Variants in AKT3 observed in about 807,000 individuals in gnomAD.
The protein encoded by AKT3 is AKT serine/threonine kinase 3.
A neutral mutation model predicts 65.3 loss-of-function variants in AKT3; 15 were observed. The observed-to-expected ratio is 0.23, with a 90% CI of 0.15 to 0.35. The LOEUF (loss-of-function observed/expected upper bound fraction) is 0.35, where lower values mean the gene tolerates loss of function less well. Ranked by LOEUF, AKT3 falls within the 10% of genes least tolerant of loss-of-function variation. AKT3 has a pLI of 1.00. For missense variants in AKT3, 243 were observed against 576.5 expected, an observed-to-expected ratio of 0.42 and a Z score of 5.92; for synonymous variants, 206 against 183.8, an observed-to-expected ratio of 1.12 and a Z score of -0.98.
At chr1:243,695,533 A>C (rs996196245) in intron 3 of AKT3, 58 bp downstream of exon 3, 18 of 1,468,668 alleles carry the variant, frequency 1.2e-5, no homozygotes, top group Admixed American at 2.0e-5. Flanking sequence ...GATATCTGAC[A>C]CATAAAATCA....
rs544119372 is a variant in AKT3 at position 243,699,052 on chromosome 1, C to T, written c.47-3336G>A. On this transcript the variant is annotated intron_variant, in intron 2 of 13. Coordinates refer to ENST00000673466, the MANE Select transcript of AKT3 (RefSeq NM_005465.7). Reference sequence around the variant, plus strand: ...AGGCAGTGTGAGTTCAGATAAGGCACGTGTTGTCAGGTTGTTCTAAAATAT... The same window carrying T: ...AGGCAGTGTGAGTTCAGATAAGGCATGTGTTGTCAGGTTGTTCTAAAATAT... Among the ~76,000 whole-genome samples, 4 of 152,174 alleles carry T rather than the reference C, an allele frequency of 2.6e-5. No homozygotes were observed. The South Asian group carries it at 8.3e-4, about 32-fold the overall frequency.
chr1:243,646,012 C>T lies in AKT3; in HGVS notation c.310G>A (p.Ala104Thr). 6.2e-7 allele frequency: 1 copy of T among 1,610,784 alleles called. No individual in the cohort carries two copies. The highest frequency in any genetic ancestry group is 2.2e-5 in the East Asian group (1 of 44,814). The change falls in exon 5 of 14, where the codon GCT (alanine) becomes ACT (threonine). Residue 104 changes from alanine to threonine, a missense_variant. Physicochemically the swap from Ala to Thr is moderately conservative, Grantham distance 58. Transcript: ENST00000673466. ...TGCCTCTGCAGTCTGTCTGCTACAG[C>T]CTGGATAGCTTCTGTCCATTCTTCC... ...EREEWTEAIQ[A>T]VADRLQRQEE...
chr1:243,586,815 C>G (rs780609646), intron 8 of AKT3, among the ~76,000 whole-genome samples: 6 of 151,814 alleles, frequency 4.0e-5, no homozygotes, highest in Non-Finnish European at 7.4e-5. Flanking sequence ...TGCCAAACCT[C>G]AGCATCATGG....
chr1:243,508,178 G>C (rs1188870319), intron 13 of AKT3, among the ~76,000 whole-genome samples: 2 of 152,162 alleles, frequency 1.3e-5, no homozygotes, highest in African/African-American at 4.8e-5. Flanking sequence ...CACCGTTCAA[G>C]GTTTCAGTGA....
intron 8 of AKT3, among the ~76,000 whole-genome samples, chr1:243,588,762 G>GT (rs1480245209): frequency 1.3e-5 from 2 of 151,936 alleles, no homozygotes; most frequent in South Asian, 2.1e-4. Context: ...AAACTTAAAC[G>GT]TAAGACCTGA....
intron 8 of AKT3, among the ~76,000 whole-genome samples, chr1:243,575,683 T>G (rs1674889195): frequency 6.6e-6 from 1 of 152,136 alleles, no homozygotes; most frequent in Non-Finnish European, 1.5e-5. Flanking sequence ...GTAAGGAGAC[T>G]TGATAGATAA....
At chr1:243,671,147 C>T (rs949265999) in intron 3 of AKT3, among the ~76,000 whole-genome samples, 2 of 149,180 alleles carry the variant, frequency 1.3e-5, no homozygotes, top group Non-Finnish European at 1.5e-5. Context: ...GGCGCAATCT[C>T]GGCTCATGCA....
intron 2 of AKT3, among the ~76,000 whole-genome samples, chr1:243,840,581 T>A (rs1248607899): frequency 6.6e-6 from 1 of 152,208 alleles, no homozygotes; most frequent in Non-Finnish European, 1.5e-5. Context: ...ATTTATATAA[T>A]GTAATATTTT....
chr1:243,568,230 CA>C (rs1308876517), intron 9 of AKT3, among the ~76,000 whole-genome samples: 2 of 152,130 alleles, frequency 1.3e-5, no homozygotes, highest in African/African-American at 4.8e-5. Context: ...ACTTTACATG[CA>C]TCTGTTTAAT....
Position 243,499,801 on chromosome 1 carries a change from G to A in AKT3, c.*5448C>T. 1 of 1,611,084 alleles carries A rather than the reference G, an allele frequency of 6.2e-7. No individual in the cohort carries two copies. The highest frequency in any genetic ancestry group is 8.5e-7 in the Non-Finnish European group (1 of 1,177,732). On this transcript the variant is annotated 3_prime_UTR_variant, in exon 14 of 14. Transcript: ENST00000673466. ...TGATTGCTGACCTGGATGGAACAGA[G>A]TGAAATAAATGATTTACAAAGAGAT...
chr1:243,629,282 T>C (rs1679416251), intron 6 of AKT3, among the ~76,000 whole-genome samples: 1 of 151,850 alleles, frequency 6.6e-6, no homozygotes, highest in South Asian at 2.1e-4. Context: ...ATCTCAAAAA[T>C]AAATAAGTAA....
At chr1:243,489,065 GCTCCTCAGCAAGCAGAACCAGCTT>G in intron 13 of AKT3, 1 of 1,613,442 alleles carries the variant, frequency 6.2e-7, no homozygotes, top group Non-Finnish European at 8.5e-7. Context: ...AGCTGGTGCA[GCTCCTCAGCAAGCAGAACCAGCTT>G]CTCCTGGAGA....
chr1:243,655,483 G>A (rs1203729390), intron 4 of AKT3, among the ~76,000 whole-genome samples: 2 of 151,752 alleles, frequency 1.3e-5, no homozygotes, highest in Non-Finnish European at 2.9e-5. Flanking sequence ...GCCACATAGT[G>A]TTGAATTTTT....
At chr1:243,635,156 C>T (rs1679886238) in intron 6 of AKT3, among the ~76,000 whole-genome samples, 1 of 151,640 alleles carries the variant, frequency 6.6e-6, no homozygotes, top group African/African-American at 2.4e-5. Context: ...ATAAAGAAAA[C>T]AAGAAAATTC....
intron 13 of AKT3, among the ~76,000 whole-genome samples, chr1:243,512,118 AT>A: frequency 6.6e-6 from 1 of 152,316 alleles, no homozygotes; most frequent in African/African-American, 2.4e-5. Context: ...CCAGAAAAGC[AT>A]TTCTTGCAGT....
chr1:243,625,002 TA>T, intron 6 of AKT3: 1 of 368,124 alleles, frequency 2.7e-6, no homozygotes, highest in Non-Finnish European at 5.6e-6. Flanking sequence ...AGCCTTCATG[TA>T]CTCATCAAAG....
chr1:243,664,185 CTTTTTTTTTTTTTTTTTTTT>C, intron 4 of AKT3, among the ~76,000 whole-genome samples: 1 of 60,010 alleles, frequency 1.7e-5, no homozygotes, highest in Admixed American at 2.9e-4. Context: ...ATAAAAATGT[CTTTTTTTTTTTTTTTTTTTT>C]TTTTTTTTTG....
intron 2 of AKT3, among the ~76,000 whole-genome samples, chr1:243,736,521 A>C (rs1417142952): frequency 6.6e-6 from 1 of 152,220 alleles, no homozygotes; most frequent in Admixed American, 6.5e-5. Flanking sequence ...ATTAGAAAAA[A>C]GAATGGCCCT....
chr1:243,566,732 T>C (rs2148494122), intron 9 of AKT3, among the ~76,000 whole-genome samples: 1 of 152,294 alleles, frequency 6.6e-6, no homozygotes, highest in East Asian at 1.9e-4. Context: ...AACAATCCAA[T>C]GTGACAGTTT....
Sources: allele counts gnomAD v4.1 joint callset (sites outside exome capture counted in the v4.1 genomes callset), GRCh38; gene constraint gnomAD v4.1.1; transcripts MANE v1.5; gene names NCBI Gene and HGNC (gene_info 2026-07-23, HGNC 2026-07-21).